CTNNBL1: variants seen among roughly 807,000 people sequenced by gnomAD.
The protein encoded by CTNNBL1 is beta-catenin-like protein 1.
A neutral mutation model predicts 72.7 loss-of-function variants in CTNNBL1; 31 were observed. The observed-to-expected ratio is 0.43, with a 90% CI of 0.32 to 0.58. The LOEUF (loss-of-function observed/expected upper bound fraction) is 0.58. CTNNBL1 is among the 20% of genes least tolerant of loss of function. The pLI is 0.08. For synonymous variants in CTNNBL1, 240 were observed against 267.3 expected, an observed-to-expected ratio of 0.90 and a Z score of 1.00; for missense variants, 534 against 725.1, an observed-to-expected ratio of 0.74 and a Z score of 3.03.
intron 10 of CTNNBL1, among the ~76,000 whole-genome samples, chr20:37,802,661 A>C (rs1338873869): frequency 6.6e-6 from 1 of 152,208 alleles, no homozygotes; most frequent in Non-Finnish European, 1.5e-5. Flanking sequence ...TGCTTCATAA[A>C]GAATTTTGAG....
At chr20:37,746,363 T>G in intron 3 of CTNNBL1, 105 bp from the exon 4 acceptor site, 1 of 1,267,056 alleles carries the variant, frequency 7.9e-7, no homozygotes, top group Non-Finnish European at 1.1e-6. Flanking sequence ...GTTGGTCTGT[T>G]GTAGACACTT....
intron 3 of CTNNBL1, 75 bp from the exon 4 acceptor site, chr20:37,746,393 C>G: frequency 6.6e-7 from 1 of 1,522,122 alleles, no homozygotes; most frequent in African/African-American, 1.4e-5. Context: ...GCCTTGTTGT[C>G]TAGATTGTTG....
intron 4 of CTNNBL1, among the ~76,000 whole-genome samples, chr20:37,754,411 G>A (rs959830565): frequency 6.6e-5 from 10 of 150,868 alleles, no homozygotes; most frequent in East Asian, 2.0e-4. Context: ...GTAAGCCACC[G>A]TGCCCAGCCC....
At chr20:37,715,823 A>T (rs2072981288) in intron 1 of CTNNBL1, among the ~76,000 whole-genome samples, 2 of 152,356 alleles carry the variant, frequency 1.3e-5, no homozygotes, top group African/African-American at 2.4e-5. Context: ...CTCTGAAGTC[A>T]TTGTAAATTG....
intron 4 of CTNNBL1, among the ~76,000 whole-genome samples, chr20:37,746,981 G>A (rs1371670905): frequency 1.3e-5 from 2 of 152,236 alleles, no homozygotes; most frequent in African/African-American, 4.8e-5. Flanking sequence ...TCTGCTGACT[G>A]ATGGTCCAGT....
intron 13 of CTNNBL1, among the ~76,000 whole-genome samples, chr20:37,843,022 C>T (rs1464691311): frequency 1.3e-5 from 2 of 152,210 alleles, no homozygotes; most frequent in Non-Finnish European, 2.9e-5. Flanking sequence ...GCTGTGCTTA[C>T]TATGGTGTTA....
Position 37,756,633 on chromosome 20 carries a change from CT to C in CTNNBL1, c.467-908del, listed in dbSNP as rs373023677. 9.8e-3 allele frequency among the ~76,000 whole-genome samples: 1,280 copies of C among 130,016 alleles called. 3 individuals carry two copies. The highest frequency in any genetic ancestry group is 0.012 in the Non-Finnish European group (740 of 61,256). The allele number at this position is 130,016 out of a possible 152,430, so 85.3% of individuals were successfully genotyped here. On this transcript the variant is annotated intron_variant, in intron 4 of 15. Transcript: ENST00000361383. ...TTTTCTTTTCTCTCTCTCTCCCTTT[CT>C]TTTTTTTTTTTTTTTTTCTTTGAGA...
Position 37,768,283 on chromosome 20 carries a change from G to A in CTNNBL1, c.750+239G>A, listed in dbSNP as rs6020773. Among the ~76,000 whole-genome samples, 494 of 152,232 alleles carry A rather than the reference G, an allele frequency of 3.2e-3. 7 individuals are homozygous for A. The highest frequency in any genetic ancestry group is 0.011 in the African/African-American group (446 of 41,536). On this transcript the variant is annotated intron_variant, in intron 7 of 15. Transcript: ENST00000361383. ...AATACAAATTCATGTGATACAAAAG[G>A]TATAAAACTGAAAAGATCCCCTCTG... is the stretch of plus-strand genomic sequence containing the variant.
At chr20:37,804,236 A>G (rs2071932215) in intron 11 of CTNNBL1, among the ~76,000 whole-genome samples, 1 of 152,180 alleles carries the variant, frequency 6.6e-6, no homozygotes, top group African/African-American at 2.4e-5. Flanking sequence ...CCCCACTGAA[A>G]ATTCAGCAAA....
chr20:37,863,644 T>G (rs1312371430), intron 15 of CTNNBL1, among the ~76,000 whole-genome samples: 1 of 152,026 alleles, frequency 6.6e-6, no homozygotes, highest in Middle Eastern at 3.4e-3. Flanking sequence ...GGCTGTAGTG[T>G]TGGGTGGGGT....
At chr20:37,716,052 C>A (rs76076327) in intron 1 of CTNNBL1, among the ~76,000 whole-genome samples, 5,432 of 151,344 alleles carry the variant, frequency 0.036, 296 homozygotes, top group African/African-American at 0.12. Flanking sequence ...CTAAGCCTGC[C>A]AAGCTTCAAA....
chr20:37,748,702 T>A (rs570442300), intron 4 of CTNNBL1, among the ~76,000 whole-genome samples: 73 of 152,362 alleles, frequency 4.8e-4, no homozygotes, highest in African/African-American at 1.6e-3. Flanking sequence ...TTTTGGTGTC[T>A]GGTGAGGGTC....
intron 5 of CTNNBL1, 30 bp from the exon 6 acceptor site, chr20:37,765,167 C>T: frequency 1.4e-6 from 2 of 1,476,486 alleles, no homozygotes; most frequent in South Asian, 1.2e-5. Flanking sequence ...TATGACATCC[C>T]TCTCTCCTTT....
intron 1 of CTNNBL1, among the ~76,000 whole-genome samples, chr20:37,717,232 A>G (rs2072993586): frequency 6.6e-6 from 1 of 152,240 alleles, no homozygotes; most frequent in Non-Finnish European, 1.5e-5. Flanking sequence ...TGTAGAAAAA[A>G]TAATTAAATA....
intron 15 of CTNNBL1, among the ~76,000 whole-genome samples, chr20:37,868,673 T>C (rs2072557432): frequency 1.3e-5 from 2 of 152,170 alleles, no homozygotes; most frequent in Non-Finnish European, 2.9e-5. Context: ...GTGCTCTGTG[T>C]ACCGTCGGCA....
intron 13 of CTNNBL1, among the ~76,000 whole-genome samples, chr20:37,858,339 G>A (rs2072461173): frequency 6.6e-6 from 1 of 152,254 alleles, no homozygotes; most frequent in South Asian, 2.1e-4. Context: ...GAGATAGCTG[G>A]TGGGGACTGA....
At chr20:37,750,588 G>C (rs1319099236) in intron 4 of CTNNBL1, 11 of 152,096 alleles carry the variant, frequency 7.2e-5, no homozygotes, top group Admixed American at 5.9e-4. Context: ...CTTTAAGCCA[G>C]ATTTACTCAG....
intron 1 of CTNNBL1, among the ~76,000 whole-genome samples, chr20:37,710,114 T>G (rs1030103783): frequency 6.6e-6 from 1 of 152,244 alleles, no homozygotes; most frequent in Admixed American, 6.5e-5. Flanking sequence ...TTCTAAAACA[T>G]GAACATTCTT....
At chr20:37,766,520 G>A (rs1160722798) in intron 6 of CTNNBL1, among the ~76,000 whole-genome samples, 1 of 152,194 alleles carries the variant, frequency 6.6e-6, no homozygotes, top group Non-Finnish European at 1.5e-5. Context: ...GTGACAGACG[G>A]TATCGTAGGA....
Sources: gnomAD v4.1 joint callset for allele counts (sites outside exome capture counted in the v4.1 genomes callset) on GRCh38, gnomAD v4.1.1 for gene constraint, MANE v1.5 for transcripts, NCBI Gene and HGNC (gene_info 2026-07-23, HGNC 2026-07-21) for gene names.